The following ATRX variants were observed in gnomAD, a reference collection of about 807,000 sequenced individuals.
The protein encoded by ATRX is chromatin remodeler ATRX.
In ATRX, 12 loss-of-function variants were observed where a neutral mutation model predicts 172.6. The observed-to-expected ratio is 0.07, with a 90% CI of 0.04 to 0.11. ATRX has a LOEUF of 0.11. Ranked by LOEUF, ATRX falls within the 10% of genes least tolerant of loss-of-function variation. ATRX has a pLI of 1.00. For missense variants in ATRX, 1,368 were observed against 1,767.4 expected, an observed-to-expected ratio of 0.77 and a Z score of 4.05; for synonymous variants, 674 against 594.7, an observed-to-expected ratio of 1.13 and a Z score of -1.94.
intron 1 of ATRX, among the ~76,000 whole-genome samples, chrX:77,723,501 G>A (rs1483491603): frequency 2.7e-5 from 3 of 111,599 alleles, no homozygotes; most frequent in Non-Finnish European, 3.8e-5. Flanking sequence ...TTTTGGTGGA[G>A]AGGGTTGTTT....
chrX:77,760,621 AAAAT>A (rs200802500), intron 1 of ATRX, among the ~76,000 whole-genome samples: 2,144 of 110,411 alleles, frequency 0.019, 50 homozygotes, highest in African/African-American at 0.068. Context: ...TATAATAATA[AAAAT>A]AAATAAATAA....
chrX:77,589,856 T>C lies in ATRX; in HGVS notation c.6195A>G (p.Lys2065=). The change falls in exon 27 of 35, where the codon AAA becomes AAG. Residue 2065 remains lysine, a synonymous_variant. Coordinates refer to ENST00000373344, the MANE Select transcript of ATRX (RefSeq NM_000489.6). ...CACCTTTATAAATAAGGGGTTTATCTTTATCTTCTGTCTTCTCCCTACTAG... is the reference window on the plus strand; with the variant it reads ...CACCTTTATAAATAAGGGGTTTATCCTTATCTTCTGTCTTCTCCCTACTAG... The part of the protein sequence containing the change: ...ELASREKTED[K]DKPLIYKGEG... 1 of 1,205,868 alleles carries C rather than the reference T, an allele frequency of 8.3e-7. No homozygotes were observed. The highest frequency in any genetic ancestry group is 1.1e-6 in the Non-Finnish European group (1 of 890,774).
intron 1 of ATRX, among the ~76,000 whole-genome samples, chrX:77,741,531 A>G (rs1324041004): frequency 9.0e-6 from 1 of 110,741 alleles, no homozygotes; most frequent in Non-Finnish European, 1.9e-5. Context: ...GCACGATCTC[A>G]GCTCACTACA....
chrX:77,683,845 T>C lies in ATRX; in HGVS notation c.1411A>G (p.Ser471Gly), dbSNP rs781841113. The C allele has an allele frequency of 5.8e-6, 7 of 1,210,591 alleles. No homozygotes were observed. Among genetic ancestry groups the C allele is most frequent in the Non-Finnish European group, 5.6e-6 (5 of 894,395 alleles). ...GGAACATTCTGATGCATGTGCTCAC[T>C]ATCTACCTGTTTTCTTGAAAGTTTA... ...EAKLSRKQVD[S>G]EHMHQNVPTE... is the part of the protein sequence containing the mutation. Residue 471 changes from serine to glycine, a missense_variant, in exon 9 of 35, where the codon AGT becomes GGT. By Grantham distance (56) the Ser-to-Gly change is moderately conservative. This residue lies in a region of ATRX where 843 missense variants were observed against 643.1 expected (regional missense o/e 1.31). Transcript: ENST00000373344.
intron 19 of ATRX, among the ~76,000 whole-genome samples, chrX:77,632,304 A>T (rs1372996221): frequency 9.0e-6 from 1 of 111,476 alleles, no homozygotes; most frequent in Non-Finnish European, 1.9e-5. Context: ...CTGTTGTATT[A>T]AACAGTTTCA....
At chrX:77,686,384 A>G (rs1557143910) in intron 7 of ATRX, among the ~76,000 whole-genome samples, 1 of 111,736 alleles carries the variant, frequency 8.9e-6, no homozygotes, top group East Asian at 2.8e-4. Context: ...TAAAAAAGGG[A>G]GTATGTGTGC....
At chrX:77,650,121 T>C (rs2069137690) in intron 15 of ATRX, among the ~76,000 whole-genome samples, 1 of 111,735 alleles carries the variant, frequency 8.9e-6, no homozygotes, top group Non-Finnish European at 1.9e-5. Flanking sequence ...GGGATTTTTG[T>C]AAAAACCAAC....
Position 77,590,376 on chromosome X carries a change from C to T in ATRX, c.6111-436G>A, listed in dbSNP as rs782682007. Among the ~76,000 whole-genome samples, 13 of 110,173 alleles carry T rather than the reference C, an allele frequency of 1.2e-4. 1 individual carries two copies. The East Asian group carries it at 1.7e-3, about 14-fold the overall frequency. On this transcript the variant is annotated intron_variant, in intron 26 of 34. Coordinates refer to ENST00000373344, the MANE Select transcript of ATRX (RefSeq NM_000489.6). ...CTGTAATCCCAGCATTTTGGGAGAC[C>T]GAGACGGGTGGATCACGAGGTCAGG... is the stretch of plus-strand genomic sequence containing the variant.
chrX:77,544,877 C>T (rs2064176232), intron 30 of ATRX, among the ~76,000 whole-genome samples: 1 of 110,691 alleles, frequency 9.0e-6, no homozygotes, highest in Admixed American at 9.7e-5. Flanking sequence ...ACTCATCTGA[C>T]AAAGGGCTAA....
At chrX:77,572,690 T>C (rs1160108328) in intron 28 of ATRX, among the ~76,000 whole-genome samples, 1 of 112,006 alleles carries the variant, frequency 8.9e-6, no homozygotes, top group Non-Finnish European at 1.9e-5. Context: ...AATTACTTCT[T>C]CACACTCATG....
chrX:77,636,871 AGGG>A (rs1448268840), intron 15 of ATRX, among the ~76,000 whole-genome samples: 1 of 98,904 alleles, frequency 1.0e-5, no homozygotes, highest in African/African-American at 3.7e-5. Context: ...AGGGAGGAGG[AGGG>A]AGGAGGAGGA....
At chrX:77,709,930 C>T (rs1258849329) in intron 2 of ATRX, among the ~76,000 whole-genome samples, 7 of 112,150 alleles carry the variant, frequency 6.2e-5, no homozygotes, top group Admixed American at 1.9e-4. Flanking sequence ...TATAAATATT[C>T]ACCACCAGCT....
chrX:77,727,078 AC>A (rs1191707670), intron 1 of ATRX, among the ~76,000 whole-genome samples: 1 of 111,825 alleles, frequency 8.9e-6, no homozygotes, highest in African/African-American at 3.3e-5. Context: ...AACATGAAAA[AC>A]AGCTCAGCAT....
intron 6 of ATRX, among the ~76,000 whole-genome samples, chrX:77,692,306 G>A (rs2071935398): frequency 9.0e-6 from 1 of 111,281 alleles, no homozygotes. Flanking sequence ...TACTACCTTA[G>A]CTTTAATGAG....
chrX:77,717,920 G>C (rs781823388), intron 1 of ATRX, among the ~76,000 whole-genome samples: 9 of 111,016 alleles, frequency 8.1e-5, no homozygotes, highest in Non-Finnish European at 1.3e-4. Flanking sequence ...CAGCAAAAAG[G>C]TATTCATATT....
Position 77,677,866 on chromosome X carries a change from G to GA in ATRX, c.3737-1569dup, listed in dbSNP as rs1167840666. 1.8e-4 allele frequency among the ~76,000 whole-genome samples: 20 copies of GA among 110,868 alleles called. No individual in the cohort carries two copies. The East Asian group carries it at 4.5e-3, about 25-fold the overall frequency. On this transcript the variant is annotated intron_variant, in intron 9 of 34. Transcript: ENST00000373344. Reference sequence around the variant, plus strand: ...AATAAAATGTTGAAGGGAAATGGAGGAAAAAATCTATAAAGGAAACAGACA... The same window carrying GA: ...AATAAAATGTTGAAGGGAAATGGAGGAAAAAAATCTATAAAGGAAACAGACA...
chrX:77,541,058 G>C (rs1557050602), intron 30 of ATRX, among the ~76,000 whole-genome samples: 1 of 110,822 alleles, frequency 9.0e-6, no homozygotes, highest in Admixed American at 9.6e-5. Context: ...CAACAAAATA[G>C]ATAGACCGCT....
chrX:77,771,831 G>C (rs1446582876), intron 1 of ATRX, among the ~76,000 whole-genome samples: 4 of 111,212 alleles, frequency 3.6e-5, no homozygotes, highest in African/African-American at 1.3e-4. Flanking sequence ...AAATATTTTT[G>C]CTTGTCACAA....
intron 15 of ATRX, among the ~76,000 whole-genome samples, chrX:77,638,200 A>G (rs781786532): frequency 7.4e-4 from 83 of 112,073 alleles, no homozygotes; most frequent in East Asian, 2.8e-3. Context: ...ACGGTCACTC[A>G]TGCCTGTAAT....
Sources: allele counts gnomAD v4.1 joint callset (sites outside exome capture counted in the v4.1 genomes callset), GRCh38; gene constraint gnomAD v4.1.1; regional missense constraint gnomAD v4.1.1; transcripts MANE v1.5; gene names NCBI Gene and HGNC (gene_info 2026-07-23, HGNC 2026-07-21).